DRD2: variants seen among roughly 807,000 people sequenced by gnomAD.
DRD2 encodes the protein D(2) dopamine receptor.
Under a neutral mutation model 38.0 loss-of-function variants are expected in DRD2, and 8 were observed. That is an observed-to-expected ratio of 0.21 (90% CI 0.12 to 0.38). DRD2 has a LOEUF of 0.38. DRD2 is among the 10% of genes least tolerant of loss of function. DRD2 has a pLI of 1.00. For missense variants in DRD2, 403 were observed against 607.7 expected (o/e 0.66, Z 3.54); for synonymous variants, 230 against 238.6 (o/e 0.96, Z 0.33).
chr11:113,446,940 C>CTGAT (rs1555167323), intron 1 of DRD2, among the ~76,000 whole-genome samples: 2 of 152,188 alleles, frequency 1.3e-5, no homozygotes, highest in Non-Finnish European at 2.9e-5. Context: ...GAGCTGATGG[C>CTGAT]TGATAGGACA....
At chr11:113,474,945 G>C (rs1951465919) in intron 1 of DRD2, 131 bp downstream of exon 1, 1 of 152,232 alleles carries the variant, frequency 6.6e-6, no homozygotes, top group East Asian at 1.9e-4. Context: ...CGGATCCCAG[G>C]CGGGCGCTCC....
At chr11:113,451,695 G>T (rs543118453) in intron 1 of DRD2, among the ~76,000 whole-genome samples, 1 of 151,950 alleles carries the variant, frequency 6.6e-6, no homozygotes, top group African/African-American at 2.4e-5. Flanking sequence ...TTACCATGTC[G>T]GCCAGGCTGG....
rs775101965 is a variant in DRD2 at position 113,415,583 on chromosome 11, C to T, written c.561G>A (p.Pro187=). 9.3e-6 allele frequency: 15 copies of T among 1,613,806 alleles called. No individual in the cohort carries two copies. The highest frequency in any genetic ancestry group is 2.2e-5 in the South Asian group (2 of 91,032). ...ADQNECIIAN[P]AFVVYSSIVS... ...CGATGGAGGAGTAGACCACGAAGGC[C>T]GGGTTGGCAATGATGCACTCGTTCT... Residue 187 remains proline, a synonymous_variant, in exon 5 of 8, where the codon CCG becomes CCA. Transcript: ENST00000362072.
At chr11:113,469,885 A>C (rs1951406090) in intron 1 of DRD2, among the ~76,000 whole-genome samples, 1 of 152,174 alleles carries the variant, frequency 6.6e-6, no homozygotes, top group Admixed American at 6.5e-5. Context: ...AACAAACAAA[A>C]AATGTAAAAA....
At chr11:113,432,193 G>A (rs1950993194) in intron 1 of DRD2, among the ~76,000 whole-genome samples, 1 of 152,194 alleles carries the variant, frequency 6.6e-6, no homozygotes, top group African/African-American at 2.4e-5. Context: ...TGATGGAGTG[G>A]GGTGAAAAGG....
chr11:113,420,207 C>A (rs576591751), intron 2 of DRD2, among the ~76,000 whole-genome samples: 124 of 152,194 alleles, frequency 8.1e-4, no homozygotes, highest in Non-Finnish European at 1.4e-3. Flanking sequence ...TCCTCTCCTT[C>A]CCTCCTTTCT....
At position 113,418,063 on chromosome 11, in the gene DRD2, G is replaced by C. The variant is rs201724929; in HGVS notation, c.359C>G (p.Ala120Gly). 3.1e-6 allele frequency: 5 copies of C among 1,614,070 alleles called. No individual in the cohort carries two copies. The highest frequency in any genetic ancestry group is 4.2e-6 in the Non-Finnish European group (5 of 1,180,052). The change falls in exon 3 of 8, where the codon GCG becomes GGG. Residue 120 changes from alanine (A) to glycine (G), a missense_variant. Ala to Gly is a moderately conservative substitution (Grantham distance 60). Coordinates refer to ENST00000362072, the MANE Select transcript of DRD2 (RefSeq NM_000795.4). ...GATGGCACACAAGTTCAGGATGCTC[G>C]CCGTGCACATCATGACGTCCAGAGT... Reference protein sequence around the residue: ...FVTLDVMMCTASILNLCAISI... With the variant: ...FVTLDVMMCTGSILNLCAISI...
chr11:113,458,416 G>T (rs185313160), intron 1 of DRD2, among the ~76,000 whole-genome samples: 34 of 152,294 alleles, frequency 2.2e-4, no homozygotes, highest in Admixed American at 1.9e-3. Context: ...TGAGAGAAAA[G>T]GTTGTGTTTA....
chr11:113,415,942 A>C (rs1372955057), intron 4 of DRD2, among the ~76,000 whole-genome samples: 1 of 152,242 alleles, frequency 6.6e-6, no homozygotes, highest in African/African-American at 2.4e-5. Context: ...AGAATGACAC[A>C]AGAAAACTTT....
At chr11:113,450,935 G>C (rs936563968) in intron 1 of DRD2, among the ~76,000 whole-genome samples, 3 of 152,154 alleles carry the variant, frequency 2.0e-5, no homozygotes, top group Admixed American at 6.5e-5. Flanking sequence ...CTCTGACCAG[G>C]CTCTAATGAC....
At chr11:113,433,534 C>G (rs1306562244) in intron 1 of DRD2, among the ~76,000 whole-genome samples, 1 of 152,156 alleles carries the variant, frequency 6.6e-6, no homozygotes, top group Non-Finnish European at 1.5e-5. Context: ...CCCCATTTGC[C>G]CCTTCTCCCC....
chr11:113,437,110 T>C (rs951340522), intron 1 of DRD2, among the ~76,000 whole-genome samples: 2 of 152,114 alleles, frequency 1.3e-5, no homozygotes, highest in African/African-American at 4.8e-5. Context: ...TAATGACAAA[T>C]AGAACAGCTA....
intron 1 of DRD2, among the ~76,000 whole-genome samples, chr11:113,471,162 A>G (rs1951420606): frequency 6.6e-6 from 1 of 152,214 alleles, no homozygotes; most frequent in African/African-American, 2.4e-5. Flanking sequence ...GCTATTTTCC[A>G]GGCCTGTACA....
intron 1 of DRD2, among the ~76,000 whole-genome samples, chr11:113,453,193 G>C (rs1038259733): frequency 2.0e-5 from 3 of 152,102 alleles, no homozygotes; most frequent in South Asian, 2.1e-4. Context: ...TCAAGTCCTA[G>C]GTTCACATCC....
intron 1 of DRD2, among the ~76,000 whole-genome samples, chr11:113,429,756 G>C (rs753272384): frequency 9.9e-5 from 15 of 152,138 alleles, no homozygotes; most frequent in Admixed American, 2.0e-4. Flanking sequence ...TATAACATTC[G>C]AGTTGAGGAC....
chr11:113,429,271 G>T (rs1453360080), intron 1 of DRD2, among the ~76,000 whole-genome samples: 2 of 151,956 alleles, frequency 1.3e-5, no homozygotes, highest in African/African-American at 2.4e-5. Flanking sequence ...TTGAGATGGA[G>T]TCTTGCTCTG....
In DRD2 at chr11:113,410,516, T is replaced by C; in HGVS notation, c.*211A>G. The C allele has an allele frequency of 1.5e-6, 1 of 676,330 alleles. No individual in the cohort carries two copies. The allele number at this position is 676,330 out of a possible 1,614,324, so 41.9% of individuals were successfully genotyped here. ...GAGCTGGGGGGCCCAGCCCCAGGGC[T>C]GGTACCATGCCCAGCTCACTAGCAC... On this transcript the variant is annotated 3_prime_UTR_variant, in exon 8 of 8. Transcript: ENST00000362072.
intron 1 of DRD2, among the ~76,000 whole-genome samples, chr11:113,452,822 A>ATT (rs931424388): frequency 6.7e-6 from 1 of 148,686 alleles, no homozygotes; most frequent in African/African-American, 2.5e-5. Context: ...TAATTTTTGT[A>ATT]TTTTTTTTTA....
intron 3 of DRD2, among the ~76,000 whole-genome samples, chr11:113,417,549 G>T (rs1243213989): frequency 6.6e-6 from 1 of 152,118 alleles, no homozygotes; most frequent in Non-Finnish European, 1.5e-5. Flanking sequence ...TTAGTGGAAG[G>T]CTCCAAGGAT....
Sources: gnomAD v4.1 joint callset for allele counts (sites outside exome capture counted in the v4.1 genomes callset) on GRCh38, gnomAD v4.1.1 for gene constraint, MANE v1.5 for transcripts, NCBI Gene and HGNC (gene_info 2026-07-23, HGNC 2026-07-21) for gene names.